ROCK2: variants seen among roughly 807,000 people sequenced by gnomAD.
ROCK2 encodes Rho associated coiled-coil containing protein kinase 2.
ROCK2 carries 61 observed loss-of-function variants against 195.1 expected under a neutral mutation model. The observed-to-expected ratio is 0.31, with a 90% confidence interval of 0.25 to 0.39. ROCK2 has a LOEUF of 0.39. ROCK2 is among the 10% of genes least tolerant of loss of function. The pLI, the probability that ROCK2 is intolerant of heterozygous loss-of-function variation, is 1.00. For missense variants in ROCK2, 1,109 were observed against 1,637.4 expected, an observed-to-expected ratio of 0.68 and a Z score of 5.57; for synonymous variants, 504 against 545.5, an observed-to-expected ratio of 0.92 and a Z score of 1.06.
chr2:11,185,683 C>G (rs191525760), intron 32 of ROCK2, among the ~76,000 whole-genome samples: 8 of 152,054 alleles, frequency 5.3e-5, no homozygotes, highest in Admixed American at 5.2e-4. Context: ...GAGCCGAGAT[C>G]GTGCCATTGC....
chr2:11,209,761 C>T (rs1419059991), intron 18 of ROCK2, among the ~76,000 whole-genome samples: 1 of 152,168 alleles, frequency 6.6e-6, no homozygotes, highest in Non-Finnish European at 1.5e-5. Context: ...ATCTAATTAT[C>T]ATCTATTATA....
chr2:11,188,780 C>T (rs540990602), intron 32 of ROCK2, among the ~76,000 whole-genome samples: 10 of 151,800 alleles, frequency 6.6e-5, no homozygotes, highest in East Asian at 2.0e-4. Flanking sequence ...CCTGCCACCA[C>T]GCCCAGCTAA....
In ROCK2 at chr2:11,330,750, A is replaced by AGGGAGGAGGAGGAG. The variant is rs1284607894; in HGVS notation, c.141+13245_141+13246insCTCCTCCTCCTCCC. 1.1e-4 allele frequency among the ~76,000 whole-genome samples: 4 copies of AGGGAGGAGGAGGAG among 37,266 alleles called. 1 individual carries two copies. The highest frequency in any genetic ancestry group is 2.8e-4 in the African/African-American group (4 of 14,514). 24.4% of individuals were successfully genotyped at this position (37,266 alleles called of 152,430 possible). A position where few individuals can be genotyped will look rare whatever the true frequency, so the allele number is the denominator to read the frequency against. On this transcript the variant is annotated intron_variant, in intron 1 of 32. Transcript: ENST00000315872. The stretch of plus-strand genomic sequence containing the variant: ...GAGGGAAGATGAGGAGGGAGGAGGG[A>AGGGAGGAGGAGGAG]GGAGGAGGAGGGAGGAGGAGGAGGG...
At chr2:11,305,762 G>A (rs955050273) in intron 1 of ROCK2, among the ~76,000 whole-genome samples, 10 of 152,140 alleles carry the variant, frequency 6.6e-5, no homozygotes, top group Admixed American at 3.9e-4. Context: ...CAATGTCCTC[G>A]TTTTGAGAAT....
At position 11,286,321 on chromosome 2, in the gene ROCK2, G is replaced by T. The variant is rs534981737; in HGVS notation, c.324+218C>A. 3.3e-5 allele frequency among the ~76,000 whole-genome samples: 5 copies of T among 150,654 alleles called. No individual in the cohort carries two copies. The South Asian group carries it at 1.1e-3, about 32-fold the overall frequency. ...AACTGCTAGGCAGATCACATGTGAAGCTATATTGGCCTTATTTTCTACAAT... is the reference window on the plus strand; with the variant it reads ...AACTGCTAGGCAGATCACATGTGAATCTATATTGGCCTTATTTTCTACAAT... On this transcript the variant is annotated intron_variant, in intron 3 of 32. Transcript: ENST00000315872.
intron 32 of ROCK2, among the ~76,000 whole-genome samples, chr2:11,189,435 A>G (rs1439566567): frequency 6.6e-6 from 1 of 152,168 alleles, no homozygotes; most frequent in Non-Finnish European, 1.5e-5. Context: ...CCCTGGAACC[A>G]TGCTACTCAA....
intron 32 of ROCK2, among the ~76,000 whole-genome samples, chr2:11,189,589 C>T (rs186543790): frequency 6.6e-6 from 1 of 152,326 alleles, no homozygotes. Flanking sequence ...AGTTCCTTCG[C>T]TTGCTACATA....
Position 11,182,011 on chromosome 2 carries a change from A to AAAAAAC in ROCK2, c.*1420_*1425dup, listed in dbSNP as rs150901608. On this transcript the variant is annotated 3_prime_UTR_variant, in exon 33 of 33. Coordinates refer to ENST00000315872, the MANE Select transcript of ROCK2 (RefSeq NM_004850.5). ...CTGTTAAAAGACTTCATAATATAAAAAAAAACAAAAACAAAAAAAAAACTT... is the reference window on the plus strand; with the variant it reads ...CTGTTAAAAGACTTCATAATATAAAAAAAAACAAAAACAAAAACAAAAAAAAAACTT... The AAAAAAC allele has an allele frequency of 0.47, 70,383 of 150,124 alleles. 17,753 individuals are homozygous for AAAAAAC. The highest frequency in any genetic ancestry group is 0.56 in the Non-Finnish European group (37,377 of 67,332). 9.3% of individuals were successfully genotyped at this position (150,124 alleles called of 1,614,324 possible).
At position 11,200,941 on chromosome 2, in the gene ROCK2, C is replaced by G; in HGVS notation, c.2910+16G>C. On this transcript the variant is annotated intron_variant, in intron 23 of 32. Transcript: ENST00000315872. ...ATTTAACTATAATCCAAAAAAGCAC[C>G]AAGAATTTGACTTACAGAAGCAATT... 2 of 1,573,596 alleles carry G rather than the reference C, an allele frequency of 1.3e-6. No individual in the cohort carries two copies. The highest frequency in any genetic ancestry group is 8.6e-7 in the Non-Finnish European group (1 of 1,163,044).
At position 11,344,633 on chromosome 2, in the gene ROCK2, GTCT is replaced by G. The variant is rs1279382909; in HGVS notation, c.-500_-498del. The G allele has an allele frequency of 6.7e-6, 1 of 150,358 alleles. No individual in the cohort carries two copies. Among genetic ancestry groups the G allele is most frequent in the Non-Finnish European group, 1.4e-5 (1 of 73,628 alleles). The allele number at this position is 150,358 out of a possible 1,614,324, so 9.3% of individuals were successfully genotyped here. A position where few individuals can be genotyped will look rare whatever the true frequency, so the allele number is the denominator to read the frequency against. ...CGCACACACTCCCGCGCGGCCGCCC[GTCT>G]CCGGCCGCGCGCCGCCGCTACCCAC... On this transcript the variant is annotated 5_prime_UTR_variant, in exon 1 of 33. Transcript: ENST00000315872. The surrounding 1 kb of genome is among the most constrained non-coding windows in gnomAD (Gnocchi z 5.4).
intron 3 of ROCK2, among the ~76,000 whole-genome samples, chr2:11,275,791 C>T (rs1242328309): frequency 2.0e-5 from 3 of 151,004 alleles, no homozygotes; most frequent in Non-Finnish European, 4.4e-5. Flanking sequence ...CCTCCACCTC[C>T]CGGATTCAAC....
chr2:11,342,864 A>G (rs2148284078), intron 1 of ROCK2, among the ~76,000 whole-genome samples: 1 of 152,332 alleles, frequency 6.6e-6, no homozygotes, highest in Middle Eastern at 3.4e-3. Context: ...CATTTTGACC[A>G]AACAGGACTG....
At chr2:11,252,451 G>A (rs919437007) in intron 3 of ROCK2, among the ~76,000 whole-genome samples, 4 of 151,748 alleles carry the variant, frequency 2.6e-5, no homozygotes, top group Admixed American at 2.6e-4. Context: ...CCATTACTGG[G>A]TATATACCCA....
At chr2:11,281,438 G>C (rs1666999015) in intron 3 of ROCK2, among the ~76,000 whole-genome samples, 1 of 152,162 alleles carries the variant, frequency 6.6e-6, no homozygotes, top group South Asian at 2.1e-4. Context: ...AGCGTATACA[G>C]ATTGGGAAGG....
At chr2:11,320,021 G>A (rs1187294424) in intron 1 of ROCK2, among the ~76,000 whole-genome samples, 2 of 152,062 alleles carry the variant, frequency 1.3e-5, no homozygotes, top group Non-Finnish European at 2.9e-5. Context: ...CTGTTAACCT[G>A]AATCCACTGC....
chr2:11,254,906 T>C (rs996680436), intron 3 of ROCK2, among the ~76,000 whole-genome samples: 5 of 151,348 alleles, frequency 3.3e-5, no homozygotes, highest in Admixed American at 2.0e-4. Flanking sequence ...AGTTTGGAGG[T>C]TGTACCCTAC....
At chr2:11,307,066 T>C (rs576749868) in intron 1 of ROCK2, among the ~76,000 whole-genome samples, 1 of 152,342 alleles carries the variant, frequency 6.6e-6, no homozygotes, top group East Asian at 1.9e-4. Context: ...CTTGAAAAAC[T>C]ACCGAGGCTA....
rs887838376 is a variant in ROCK2 at position 11,201,786 on chromosome 2, A to G, written c.2619+266T>C. Among the ~76,000 whole-genome samples the G allele has an allele frequency of 6.6e-6, 1 of 152,260 alleles. No homozygotes were observed. On this transcript the variant is annotated intron_variant, in intron 21 of 32. Coordinates refer to ENST00000315872, the MANE Select transcript of ROCK2 (RefSeq NM_004850.5). This position sits in a 1 kb window ranked among gnomAD's most constrained non-coding sequence, Gnocchi z 4.6. ...TATTTTTAAAACTGATCTCAAAAAAAGCACAACTATTAAAATGATAATTTT... is the reference window on the plus strand; with the variant it reads ...TATTTTTAAAACTGATCTCAAAAAAGGCACAACTATTAAAATGATAATTTT...
chr2:11,231,375 T>G (rs2148095452), intron 5 of ROCK2, among the ~76,000 whole-genome samples: 1 of 152,166 alleles, frequency 6.6e-6, no homozygotes, highest in African/African-American at 2.4e-5. Context: ...GCCCGGCTAA[T>G]TCTTGTGTTT....
Sources: gnomAD v4.1 joint callset for allele counts (sites outside exome capture counted in the v4.1 genomes callset) on GRCh38, gnomAD v4.1.1 for gene constraint, Gnocchi (gnomAD v3.1) non-coding constraint, MANE v1.5 for transcripts, NCBI Gene and HGNC (gene_info 2026-07-23, HGNC 2026-07-21) for gene names.